The following TRIM5 variants were observed in gnomAD, a reference collection of about 807,000 sequenced individuals.
TRIM5 encodes tripartite motif containing 5.
In TRIM5, 31 loss-of-function variants were observed where a neutral mutation model predicts 35.6. The observed-to-expected ratio is 0.87, with a 90% CI of 0.65 to 1.18. TRIM5 has a LOEUF of 1.18. Ranked by LOEUF, TRIM5 falls within the 50% of genes most tolerant of loss-of-function variation. The pLI, the probability that TRIM5 is intolerant of heterozygous loss-of-function variation, is 0.00. For missense variants in TRIM5, 609 were observed against 591.6 expected, an observed-to-expected ratio of 1.03 and a Z score of -0.31; for synonymous variants, 243 against 215.6, an observed-to-expected ratio of 1.13 and a Z score of -1.11.
At chr11:5,603,697 C>T in the TRIM5 span, 1 of 1,613,378 alleles carries the variant, frequency 6.2e-7, no homozygotes, top group Non-Finnish European at 8.5e-7. Context: ...CCGTGGTCAC[C>T]ACACGTTCCT....
the TRIM5 span, among the ~76,000 whole-genome samples, chr11:5,601,858 C>G: frequency 6.6e-6 from 1 of 152,026 alleles, no homozygotes; most frequent in Non-Finnish European, 1.5e-5. Flanking sequence ...CTATGTGGAG[C>G]AGGGCCGTTA....
At chr11:5,655,356 C>T in the TRIM5 span, among the ~76,000 whole-genome samples, 1 of 152,062 alleles carries the variant, frequency 6.6e-6, no homozygotes, top group African/African-American at 2.4e-5. Context: ...AAATAATTAT[C>T]ATTTAATTTG....
At chr11:5,602,048 T>C in the TRIM5 span, among the ~76,000 whole-genome samples, 38,233 of 152,038 alleles carry the variant, frequency 0.25, 5,140 homozygotes, top group East Asian at 0.45. Context: ...CTATGCTAGC[T>C]GCCGAAGATA....
At chr11:5,657,851 A>G in the TRIM5 span, among the ~76,000 whole-genome samples, 1 of 150,732 alleles carries the variant, frequency 6.6e-6, no homozygotes, top group Non-Finnish European at 1.5e-5. Context: ...CCTGACCTCA[A>G]GTGATCTGAG....
chr11:5,684,304 A>G (rs1366688365), intron 1 of TRIM5, among the ~76,000 whole-genome samples: 1 of 152,096 alleles, frequency 6.6e-6, no homozygotes, highest in African/African-American at 2.4e-5. Flanking sequence ...GTTTTGGGGG[A>G]GGGGGCTTTA....
the TRIM5 span, among the ~76,000 whole-genome samples, chr11:5,620,771 T>C: frequency 0.29 from 43,735 of 152,020 alleles, 6,352 homozygotes; most frequent in East Asian, 0.3. Context: ...GCTTCTTCTT[T>C]CCATTAAGTG....
chr11:5,648,169 C>G, the TRIM5 span, among the ~76,000 whole-genome samples: 1 of 152,020 alleles, frequency 6.6e-6, no homozygotes, highest in African/African-American at 2.4e-5. Context: ...CTTTATGATG[C>G]CATCCACATT....
At chr11:5,610,487 G>A in the TRIM5 span, 33 of 1,613,618 alleles carry the variant, frequency 2.0e-5, no homozygotes, top group Admixed American at 1.0e-4. Context: ...TACCAGACAT[G>A]AGACAGTTGG....
Position 5,665,355 on chromosome 11 carries a change from G to T in TRIM5, c.936C>A (p.Val312=), listed in dbSNP as rs1851050627. The T allele has an allele frequency of 1.2e-6, 2 of 1,613,212 alleles. No homozygotes were observed. Among genetic ancestry groups the T allele is most frequent in the African/African-American group, 2.7e-5 (2 of 74,988 alleles). The change falls in exon 8 of 8, where the codon GTC becomes GTA. Residue 312 remains valine, a synonymous_variant. Coordinates refer to ENST00000380034, the MANE Select transcript of TRIM5 (RefSeq NM_033034.3). ...TCACTTGTCTCTTATCTTCAGAAAT[G>T]ACAGCACATGAAATGTTGTTTGGAG... ...TVAPNNISCA[V]ISEDKRQVSS...
Position 5,665,978 on chromosome 11 carries a change from C to T in TRIM5, c.868+3G>A. ...ACCCTGTTGTTGATCTAGCTCTCCT[C>T]ACCTCTAAACACTTCTAGCATTCCT... On this transcript the variant is annotated splice_donor_region_variant and intron_variant, in intron 6 of 7. Transcript: ENST00000380034. The T allele has an allele frequency of 6.2e-7, 1 of 1,603,926 alleles. No individual in the cohort carries two copies. The highest frequency in any genetic ancestry group is 8.5e-7 in the Non-Finnish European group (1 of 1,176,910).
the TRIM5 span, among the ~76,000 whole-genome samples, chr11:5,635,470 A>G: frequency 6.6e-6 from 1 of 151,978 alleles, no homozygotes; most frequent in African/African-American, 2.4e-5. Context: ...GCTAGCCAGT[A>G]TGGTATTAAT....
At chr11:5,608,515 C>T in the TRIM5 span, 11 of 1,452,300 alleles carry the variant, frequency 7.6e-6, no homozygotes, top group African/African-American at 5.7e-5. Context: ...AGTCTTGAAT[C>T]GCGCATCACA....
chr11:5,632,868 C>T, the TRIM5 span: 55 of 1,371,140 alleles, frequency 4.0e-5, 1 homozygote, highest in South Asian at 8.3e-4. Context: ...ACTCTGTCGC[C>T]CAGGCTGGAG....
At chr11:5,668,928 C>A (rs1259377309) in intron 4 of TRIM5, among the ~76,000 whole-genome samples, 1 of 152,136 alleles carries the variant, frequency 6.6e-6, no homozygotes, top group Non-Finnish European at 1.5e-5. Context: ...CAAGGACCAA[C>A]AACTAAGAAT....
At chr11:5,680,322 G>A (rs902519290) in intron 1 of TRIM5, 84 bp from the exon 2 acceptor site, 42 of 828,494 alleles carry the variant, frequency 5.1e-5, no homozygotes, top group Non-Finnish European at 6.6e-5. Flanking sequence ...TTAGAAAATG[G>A]GCAAGATGAA....
chr11:5,610,115 G>A, the TRIM5 span: 8 of 1,612,920 alleles, frequency 5.0e-6, no homozygotes, highest in Non-Finnish European at 6.8e-6. Context: ...AGTCAGCAGT[G>A]TGGGAACTCA....
chr11:5,649,735 T>C, the TRIM5 span, among the ~76,000 whole-genome samples: 2 of 152,188 alleles, frequency 1.3e-5, no homozygotes, highest in African/African-American at 4.8e-5. Context: ...AATTTGCTAG[T>C]GGAGCACTAG....
At chr11:5,632,633 G>A in the TRIM5 span, 3 of 1,613,158 alleles carry the variant, frequency 1.9e-6, no homozygotes, top group Non-Finnish European at 2.5e-6. Flanking sequence ...GATCATCATG[G>A]AGAGAAACTC....
the TRIM5 span, among the ~76,000 whole-genome samples, chr11:5,604,273 C>T: frequency 1.3e-5 from 2 of 152,172 alleles, no homozygotes; most frequent in Non-Finnish European, 2.9e-5. Flanking sequence ...CTCAGCCTCC[C>T]AAAGTGCTGG....
Sources: allele counts gnomAD v4.1 joint callset (sites outside exome capture counted in the v4.1 genomes callset), GRCh38; gene constraint gnomAD v4.1.1; transcripts MANE v1.5; gene names NCBI Gene and HGNC (gene_info 2026-07-23, HGNC 2026-07-21).